The following CFAP61 variants were observed in gnomAD, a reference collection of about 807,000 sequenced individuals.
CFAP61 encodes cilia- and flagella-associated protein 61.
Under a neutral mutation model 135.6 loss-of-function variants are expected in CFAP61, and 107 were observed. That is an observed-to-expected ratio of 0.79 (90% CI 0.67 to 0.93). The LOEUF (loss-of-function observed/expected upper bound fraction) is 0.93, where lower values mean the gene tolerates loss of function less well. CFAP61 is among the 40% of genes least tolerant of loss of function. The probability of loss-of-function intolerance (pLI) is 0.00; values close to 1 mark genes in which losing one functional copy is unlikely to be tolerated. For missense variants in CFAP61, 1,507 were observed against 1,556.2 expected (o/e 0.97, Z 0.53); for synonymous variants, 575 against 578.5 (o/e 0.99, Z 0.09).
At chr20:20,302,877 G>T (rs1218508784) in intron 25 of CFAP61, among the ~76,000 whole-genome samples, 1 of 152,134 alleles carries the variant, frequency 6.6e-6, no homozygotes, top group Non-Finnish European at 1.5e-5. Flanking sequence ...TTTTCGGAAA[G>T]AGTACTTAGT....
chr20:20,121,917 G>A (rs964542482), intron 8 of CFAP61, among the ~76,000 whole-genome samples: 3 of 150,274 alleles, frequency 2.0e-5, no homozygotes, highest in Non-Finnish European at 4.4e-5. Flanking sequence ...CTGGTAGCAT[G>A]TTTGAATTCA....
At chr20:20,144,001 G>A (rs116144470) in intron 9 of CFAP61, among the ~76,000 whole-genome samples, 77 of 152,352 alleles carry the variant, frequency 5.1e-4, no homozygotes, top group African/African-American at 1.8e-3. Flanking sequence ...ATTTGCAAGA[G>A]AGTACACAAA....
At chr20:20,270,859 A>G (rs1006538064) in intron 21 of CFAP61, among the ~76,000 whole-genome samples, 6 of 152,028 alleles carry the variant, frequency 3.9e-5, no homozygotes, top group African/African-American at 1.4e-4. Context: ...TTTAGTAGAG[A>G]TGGGGTTTCA....
intron 24 of CFAP61, among the ~76,000 whole-genome samples, chr20:20,296,326 C>CCCT (rs1453812190): frequency 5.8e-5 from 2 of 34,626 alleles, no homozygotes; most frequent in African/African-American, 2.2e-4. Context: ...CTCCTTCCTT[C>CCCT]CCTTCCTTCC....
rs970857096 is a variant in CFAP61, at chr20:20,079,273, C to T, written c.566+3658C>T. ...GCTCATCCCTTTGACTCCTCTGTGC[C>T]AACCTTGCCACTCAGTAACCAGTGC... On this transcript the variant is annotated intron_variant, in intron 6 of 26. Transcript: ENST00000245957. Among the ~76,000 whole-genome samples, 3 of 152,190 alleles carry T rather than the reference C, an allele frequency of 2.0e-5. No individual in the cohort carries two copies. The East Asian group carries it at 5.8e-4, about 29-fold the overall frequency.
chr20:20,331,720 CT>C (rs912104977), intron 25 of CFAP61, among the ~76,000 whole-genome samples: 8 of 152,214 alleles, frequency 5.3e-5, no homozygotes, highest in African/African-American at 1.9e-4. Flanking sequence ...CTTTGTCCCC[CT>C]GACTCGTGGG....
intron 8 of CFAP61, among the ~76,000 whole-genome samples, chr20:20,118,871 C>T (rs1366649758): frequency 1.3e-5 from 2 of 149,744 alleles, no homozygotes; most frequent in African/African-American, 4.9e-5. Flanking sequence ...TTTTTTGAGA[C>T]AGAATTTTGC....
chr20:20,293,544 A>G (rs1049362382), intron 24 of CFAP61, among the ~76,000 whole-genome samples: 5 of 152,228 alleles, frequency 3.3e-5, no homozygotes, highest in African/African-American at 4.8e-5. Flanking sequence ...AATATAGCCA[A>G]TTGATCAAGA....
At chr20:20,211,772 C>T (rs2047660683) in intron 17 of CFAP61, among the ~76,000 whole-genome samples, 4 of 152,238 alleles carry the variant, frequency 2.6e-5, no homozygotes, top group South Asian at 4.1e-4. Context: ...CCATGGTAGT[C>T]ACTGTAATTG....
At chr20:20,164,005 G>T (rs761128049) in intron 10 of CFAP61, 45 bp from the exon 11 acceptor site, 6 of 1,505,780 alleles carry the variant, frequency 4.0e-6, no homozygotes, top group Non-Finnish European at 5.4e-6. Flanking sequence ...AAATTACAGG[G>T]CATTGACAGG....
intron 8 of CFAP61, among the ~76,000 whole-genome samples, chr20:20,124,981 T>C (rs1391561201): frequency 6.6e-6 from 1 of 151,796 alleles, no homozygotes; most frequent in Non-Finnish European, 1.5e-5. Flanking sequence ...TATCTATCTC[T>C]TCTAGGTTTT....
At chr20:20,096,245 A>C (rs141732603) in intron 7 of CFAP61, among the ~76,000 whole-genome samples, 24 of 152,360 alleles carry the variant, frequency 1.6e-4, no homozygotes, top group African/African-American at 4.8e-4. Flanking sequence ...GGTTATTTGA[A>C]AGAAACTCAA....
chr20:20,355,027 G>GGTC (rs2059018720), intron 26 of CFAP61, among the ~76,000 whole-genome samples: 1 of 117,208 alleles, frequency 8.5e-6, no homozygotes, highest in African/African-American at 3.3e-5. Context: ...GAGGGGAGGT[G>GGTC]ATCACACTGA....
chr20:20,142,792 T>C, intron 8 of CFAP61, 65 bp from the exon 9 acceptor site: 1 of 907,324 alleles, frequency 1.1e-6, no homozygotes, highest in Non-Finnish European at 1.8e-6. Context: ...TGCTGTCTAA[T>C]TTCCTGTGAT....
intron 25 of CFAP61, among the ~76,000 whole-genome samples, chr20:20,314,805 C>T (rs1423373741): frequency 1.5e-5 from 2 of 133,070 alleles, no homozygotes; most frequent in Middle Eastern, 3.3e-3. Flanking sequence ...TTTGTTCTTG[C>T]GATAGTTTAC....
intron 20 of CFAP61, among the ~76,000 whole-genome samples, chr20:20,254,647 C>T (rs1415543515): frequency 6.6e-6 from 1 of 152,188 alleles, no homozygotes; most frequent in Admixed American, 6.5e-5. Context: ...GAGCTTTTCT[C>T]CCCCTTCCCC....
chr20:20,089,680 T>C (rs1451643213), intron 6 of CFAP61, among the ~76,000 whole-genome samples: 2 of 145,510 alleles, frequency 1.4e-5, no homozygotes, highest in Non-Finnish European at 3.0e-5. Context: ...AAGAAAGGAG[T>C]GTTAAATCCT....
chr20:20,254,276 G>A (rs567383657), intron 20 of CFAP61, among the ~76,000 whole-genome samples: 4 of 147,938 alleles, frequency 2.7e-5, no homozygotes, highest in East Asian at 4.0e-4. Context: ...GGGATACTTC[G>A]TTTTGATATT....
At position 20,251,642 on chromosome 20, in the gene CFAP61, G is replaced by T; in HGVS notation, c.2207G>T (p.Trp736Leu). The T allele has an allele frequency of 6.2e-7, 1 of 1,614,204 alleles. No individual in the cohort carries two copies. Among genetic ancestry groups the T allele is most frequent in the Non-Finnish European group, 8.5e-7 (1 of 1,180,038 alleles). Residue 736 changes from tryptophan (W) to leucine (L), a missense_variant, in exon 20 of 27, where the codon TGG (tryptophan) becomes TTG (leucine). Coordinates refer to ENST00000245957, the MANE Select transcript of CFAP61 (RefSeq NM_015585.4). ...KDYALMSLCS[W>L]VNVVVGRMTG... ...TATGCACTGATGTCACTGTGCTCCTGGGTTAATGTCGTGGTGGGTAGAATG... is the reference window on the plus strand; with the variant it reads ...TATGCACTGATGTCACTGTGCTCCTTGGTTAATGTCGTGGTGGGTAGAATG...
Sources: gnomAD v4.1 joint callset for allele counts (sites outside exome capture counted in the v4.1 genomes callset) on GRCh38, gnomAD v4.1.1 for gene constraint, MANE v1.5 for transcripts, NCBI Gene and HGNC (gene_info 2026-07-23, HGNC 2026-07-21) for gene names.